Variants in MYRIP observed in about 807,000 individuals in gnomAD.
MYRIP encodes rab effector MyRIP.
MYRIP carries 49 observed loss-of-function variants against 98.0 expected under a neutral mutation model. That is an observed-to-expected ratio of 0.50 (90% CI 0.40 to 0.63). The LOEUF (loss-of-function observed/expected upper bound fraction) is 0.63, where lower values mean the gene tolerates loss of function less well. Ranked by LOEUF, MYRIP falls within the 30% of genes least tolerant of loss-of-function variation. The pLI is 0.00. For missense variants in MYRIP, 1,004 were observed against 1,058.2 expected (o/e 0.95, Z 0.71); for synonymous variants, 404 against 409.5 (o/e 0.99, Z 0.16).
chr3:40,145,968 T>C (rs1208321679), intron 3 of MYRIP, among the ~76,000 whole-genome samples: 1 of 152,198 alleles, frequency 6.6e-6, no homozygotes, highest in Admixed American at 6.5e-5. Flanking sequence ...GTCTACTAGG[T>C]GCACTTTAGT....
intron 1 of MYRIP, among the ~76,000 whole-genome samples, chr3:39,900,340 A>T (rs889672012): frequency 1.1e-4 from 15 of 141,642 alleles, no homozygotes; most frequent in Admixed American, 3.4e-4. Context: ...GGATTTTTTT[A>T]AAGTATTATA....
At chr3:39,877,680 G>C (rs1379296214) in intron 1 of MYRIP, among the ~76,000 whole-genome samples, 1 of 152,194 alleles carries the variant, frequency 6.6e-6, no homozygotes, top group East Asian at 1.9e-4. Context: ...CGTGAATGCT[G>C]CTGTCTGATC....
At chr3:39,919,653 G>C (rs1314424776) in intron 2 of MYRIP, among the ~76,000 whole-genome samples, 1 of 151,826 alleles carries the variant, frequency 6.6e-6, no homozygotes, top group African/African-American at 2.4e-5. Context: ...AAGTAGGCCT[G>C]TAATGGCCCA....
At chr3:39,944,815 T>C (rs1020030893) in intron 2 of MYRIP, among the ~76,000 whole-genome samples, 3 of 152,118 alleles carry the variant, frequency 2.0e-5, no homozygotes, top group African/African-American at 7.2e-5. Context: ...GCAAGAAGTA[T>C]TGTTTATGAG....
chr3:40,080,121 T>A (rs1057266560), intron 3 of MYRIP, among the ~76,000 whole-genome samples: 17 of 152,288 alleles, frequency 1.1e-4, no homozygotes, highest in Middle Eastern at 3.4e-3. Context: ...TGTAGGGAGT[T>A]TTAAAAGCTC....
chr3:40,092,465 G>A (rs1948750314), intron 3 of MYRIP, among the ~76,000 whole-genome samples: 1 of 152,124 alleles, frequency 6.6e-6, no homozygotes, highest in Non-Finnish European at 1.5e-5. Flanking sequence ...TGATGGAGGG[G>A]CATTCAGGAA....
chr3:40,092,925 G>A (rs1324561870), intron 3 of MYRIP, among the ~76,000 whole-genome samples: 1 of 152,098 alleles, frequency 6.6e-6, no homozygotes, highest in Non-Finnish European at 1.5e-5. Flanking sequence ...CATGTTCCAG[G>A]AGGTCCAAGT....
At chr3:39,825,714 C>T (rs949098807) in intron 1 of MYRIP, among the ~76,000 whole-genome samples, 13 of 152,046 alleles carry the variant, frequency 8.6e-5, no homozygotes, top group Admixed American at 2.6e-4. Context: ...AGAAAGAACT[C>T]CTTATGCTTC....
intron 3 of MYRIP, among the ~76,000 whole-genome samples, chr3:40,119,803 T>C (rs1949361278): frequency 1.3e-5 from 2 of 152,060 alleles, no homozygotes; most frequent in South Asian, 2.1e-4. Flanking sequence ...CATTAGGAGA[T>C]ATACCTAATG....
chr3:39,917,963 G>C lies in MYRIP; in HGVS notation c.110+17037G>C, dbSNP rs575712118. Among the ~76,000 whole-genome samples, 4 of 145,618 alleles carry C rather than the reference G, an allele frequency of 2.7e-5. No homozygotes were observed. The South Asian group carries it at 8.6e-4, about 31-fold the overall frequency. ...TTTGGAGACGGAGTCTCGCTGCTCT[G>C]TCGCCCAGGCTGGAGTGCAGTGGCG... On this transcript the variant is annotated intron_variant, in intron 2 of 16. Transcript: ENST00000302541.
chr3:40,016,039 C>T (rs1422738958), intron 2 of MYRIP, among the ~76,000 whole-genome samples: 1 of 151,918 alleles, frequency 6.6e-6, no homozygotes, highest in Non-Finnish European at 1.5e-5. Flanking sequence ...GAATTCTTGC[C>T]ACATCCCCCA....
At chr3:40,178,514 G>C (rs1368002305) in intron 8 of MYRIP, among the ~76,000 whole-genome samples, 1 of 152,096 alleles carries the variant, frequency 6.6e-6, no homozygotes, top group African/African-American at 2.4e-5. Context: ...CTCAACCCTT[G>C]CCTTACCCTT....
intron 1 of MYRIP, among the ~76,000 whole-genome samples, chr3:39,819,306 C>A (rs1007739012): frequency 6.6e-6 from 1 of 152,042 alleles, no homozygotes; most frequent in African/African-American, 2.4e-5. Context: ...CGAGATTGAG[C>A]CATTGCACTC....
chr3:40,238,066 G>T (rs1575668168), intron 12 of MYRIP, among the ~76,000 whole-genome samples: 1 of 152,186 alleles, frequency 6.6e-6, no homozygotes, highest in South Asian at 2.1e-4. Flanking sequence ...AGGGACCATG[G>T]CTGGAAGGCC....
chr3:39,939,569 G>A (rs556124699), intron 2 of MYRIP, among the ~76,000 whole-genome samples: 74 of 152,212 alleles, frequency 4.9e-4, no homozygotes, highest in African/African-American at 1.0e-3. Flanking sequence ...GATAGTGGGT[G>A]GGATTTGCAG....
At chr3:39,810,637 G>A (rs1401868954) in intron 1 of MYRIP, 2 of 152,298 alleles carry the variant, frequency 1.3e-5, no homozygotes, top group East Asian at 3.8e-4. Context: ...AAGATTCAGT[G>A]GTGGGAACCC....
intron 2 of MYRIP, among the ~76,000 whole-genome samples, chr3:39,977,769 C>T (rs952489076): frequency 2.0e-5 from 3 of 152,142 alleles, no homozygotes; most frequent in African/African-American, 4.8e-5. Context: ...CTGCCCTCCT[C>T]CTTTGTAATT....
At chr3:40,173,649 G>A (rs1404318251) in intron 8 of MYRIP, 3 of 152,352 alleles carry the variant, frequency 2.0e-5, no homozygotes, top group African/African-American at 7.2e-5. Context: ...CCTTCCCAAG[G>A]GGAATCTCCC....
At chr3:40,191,325 T>A (rs953129655) in intron 10 of MYRIP, among the ~76,000 whole-genome samples, 2 of 152,198 alleles carry the variant, frequency 1.3e-5, no homozygotes, top group South Asian at 4.1e-4. Flanking sequence ...ACCCTGCTCA[T>A]TCCCAGCCCT....
Sources: allele counts gnomAD v4.1 joint callset (sites outside exome capture counted in the v4.1 genomes callset), GRCh38; gene constraint gnomAD v4.1.1; transcripts MANE v1.5; gene names NCBI Gene and HGNC (gene_info 2026-07-23, HGNC 2026-07-21).